The following CDH4 variants were observed in gnomAD, a reference collection of about 807,000 sequenced individuals.
CDH4 encodes cadherin 4.
Under a neutral mutation model 86.0 loss-of-function variants are expected in CDH4, and 33 were observed. That is an observed-to-expected ratio of 0.38 (90% CI 0.29 to 0.51). The LOEUF (loss-of-function observed/expected upper bound fraction) is 0.51, where lower values mean the gene tolerates loss of function less well. Ranked by LOEUF, CDH4 falls within the 20% of genes least tolerant of loss-of-function variation. The pLI is 0.86. For synonymous variants in CDH4, 555 were observed against 549.4 expected, an observed-to-expected ratio of 1.01 and a Z score of -0.14; for missense variants, 1,114 against 1,307.4, an observed-to-expected ratio of 0.85 and a Z score of 2.28.
intron 4 of CDH4, among the ~76,000 whole-genome samples, chr20:61,839,670 TG>T (rs1982059727): frequency 6.6e-6 from 1 of 152,100 alleles, no homozygotes; most frequent in South Asian, 2.1e-4. Flanking sequence ...TGTATGTGTA[TG>T]GTGTCTGTGT....
chr20:61,353,084 C>T (rs984652934), intron 2 of CDH4, among the ~76,000 whole-genome samples: 4 of 152,186 alleles, frequency 2.6e-5, no homozygotes, highest in Admixed American at 2.0e-4. Context: ...CAGGGGCTCT[C>T]GCCTGCCCGA....
chr20:61,261,827 A>C (rs1408936240), intron 2 of CDH4, among the ~76,000 whole-genome samples: 2 of 152,214 alleles, frequency 1.3e-5, no homozygotes, highest in Non-Finnish European at 2.9e-5. Flanking sequence ...GCAGTTGCTC[A>C]TGTATAAGGC....
At chr20:61,887,757 T>A (rs1053715035) in intron 7 of CDH4, among the ~76,000 whole-genome samples, 2 of 152,204 alleles carry the variant, frequency 1.3e-5, no homozygotes, top group Admixed American at 1.3e-4. Flanking sequence ...TCCGCTTGGA[T>A]CCCTCCCTTT....
intron 2 of CDH4, among the ~76,000 whole-genome samples, chr20:61,492,695 C>G (rs572209322): frequency 6.6e-6 from 1 of 152,256 alleles, no homozygotes; most frequent in East Asian, 1.9e-4. Flanking sequence ...ATGGAGCTCA[C>G]AGTCTGGGGT....
In CDH4 at chr20:61,754,777, CCA is replaced by C. The variant is rs398061558; in HGVS notation, c.396+10998_396+10999del. Among the ~76,000 whole-genome samples the C allele has an allele frequency of 1.2e-3, 173 of 144,688 alleles. No homozygotes were observed. The highest frequency in any genetic ancestry group is 4.2e-3 in the African/African-American group (163 of 38,366). 94.9% of individuals were successfully genotyped at this position (144,688 alleles called of 152,430 possible). A position where few individuals can be genotyped will look rare whatever the true frequency, so the allele number is the denominator to read the frequency against. On this transcript the variant is annotated intron_variant, in intron 3 of 15. Transcript: ENST00000614565. The surrounding 1 kb of genome is among the most constrained non-coding windows in gnomAD (Gnocchi z 4.7). The stretch of plus-strand genomic sequence containing the variant: ...ACACACACAGTGCATGCCACACACA[CCA>C]CACACACACTGCACGCCACACACAC...
At chr20:61,735,435 C>A (rs1451872387) in intron 2 of CDH4, among the ~76,000 whole-genome samples, 1 of 152,196 alleles carries the variant, frequency 6.6e-6, no homozygotes, top group Non-Finnish European at 1.5e-5. Flanking sequence ...TTCTTATACC[C>A]CCCTGGTGGG....
In CDH4 at chr20:61,269,161, G is replaced by A. The variant is rs1476448828; in HGVS notation, c.169+14224G>A. ...CCGGGTGCTGCACCGTACCAGCTGG[G>A]TTCATCTGCATGACCACCCTAGGCA... is the stretch of plus-strand genomic sequence containing the variant. On this transcript the variant is annotated intron_variant, in intron 2 of 15. Coordinates refer to ENST00000614565, the MANE Select transcript of CDH4 (RefSeq NM_001794.5). The surrounding 1 kb of genome is among the most constrained non-coding windows in gnomAD (Gnocchi z 5.3). 2.6e-5 allele frequency among the ~76,000 whole-genome samples: 4 copies of A among 152,156 alleles called. No homozygotes were observed. The highest frequency in any genetic ancestry group is 2.0e-4 in the Admixed American group (3 of 15,286).
At chr20:61,395,327 T>C (rs931538305) in intron 2 of CDH4, among the ~76,000 whole-genome samples, 1 of 152,176 alleles carries the variant, frequency 6.6e-6, no homozygotes, top group Non-Finnish European at 1.5e-5. Flanking sequence ...ATTGACATGT[T>C]AAAGTTGCAA....
intron 13 of CDH4, among the ~76,000 whole-genome samples, chr20:61,931,998 A>C (rs1268923758): frequency 1.3e-5 from 2 of 151,484 alleles, no homozygotes; most frequent in Non-Finnish European, 2.9e-5. Context: ...GACTGACCCC[A>C]CCCCAGGGGC....
In CDH4 at chr20:61,929,852, GC is replaced by G. The variant is rs2055087132; in HGVS notation, c.2239+11del. 6.2e-7 allele frequency: 1 copy of G among 1,608,480 alleles called. No homozygotes were observed. Among genetic ancestry groups the G allele is most frequent in the Non-Finnish European group, 8.5e-7 (1 of 1,175,330 alleles). ...ATCCTCATCCTGCTGAGTGAGTGTGGCTGAGCACCAGGGTGGGCAGGGGCAT... is the reference window on the plus strand; with the variant it reads ...ATCCTCATCCTGCTGAGTGAGTGTGGTGAGCACCAGGGTGGGCAGGGGCAT... On this transcript the variant is annotated intron_variant, in intron 13 of 15. Transcript: ENST00000614565.
rs34691051 is a variant in CDH4 at position 61,810,133 on chromosome 20, T to TG, written c.577-34529dup. Among the ~76,000 whole-genome samples, 1 of 151,372 alleles carries TG rather than the reference T, an allele frequency of 6.6e-6. No homozygotes were observed. The highest frequency in any genetic ancestry group is 1.5e-5 in the Non-Finnish European group (1 of 67,822). On this transcript the variant is annotated intron_variant, in intron 4 of 15. Coordinates refer to ENST00000614565, the MANE Select transcript of CDH4 (RefSeq NM_001794.5). This position sits in a 1 kb window ranked among gnomAD's most constrained non-coding sequence, Gnocchi z 4.3. ...TGGACGGGCCTCAGCCGGGGTGGGG[T>TG]GGGGGGCACCTGAGCCTAGACCTGT...
chr20:61,479,741 G>C (rs544219950), intron 2 of CDH4, among the ~76,000 whole-genome samples: 1 of 152,280 alleles, frequency 6.6e-6, no homozygotes, highest in South Asian at 2.1e-4. Flanking sequence ...TGGATCTGTA[G>C]TTCTCATGAG....
intron 2 of CDH4, among the ~76,000 whole-genome samples, chr20:61,318,076 G>A (rs541353543): frequency 6.6e-6 from 1 of 152,204 alleles, no homozygotes; most frequent in Non-Finnish European, 1.5e-5. Flanking sequence ...GTCCCGGCTG[G>A]AGGGACACTT....
chr20:61,751,183 C>T (rs1297995967), intron 3 of CDH4, among the ~76,000 whole-genome samples: 3 of 152,154 alleles, frequency 2.0e-5, no homozygotes, highest in Non-Finnish European at 4.4e-5. Context: ...TGGGAGGACA[C>T]ATCCTTCCAG....
chr20:61,368,867 G>A (rs906042108), intron 2 of CDH4, among the ~76,000 whole-genome samples: 1 of 152,122 alleles, frequency 6.6e-6, no homozygotes, highest in East Asian at 1.9e-4. Flanking sequence ...ACCCCTTAAC[G>A]AAGTAATCAA....
At chr20:61,626,998 A>C (rs1236088244) in intron 2 of CDH4, among the ~76,000 whole-genome samples, 1 of 152,158 alleles carries the variant, frequency 6.6e-6, no homozygotes, top group Non-Finnish European at 1.5e-5. Context: ...CACGGTGGCA[A>C]GAGGAGCCTC....
chr20:61,327,889 G>A (rs568518111), intron 2 of CDH4, among the ~76,000 whole-genome samples: 352 of 152,296 alleles, frequency 2.3e-3, no homozygotes, highest in Middle Eastern at 6.8e-3. Flanking sequence ...GACGGCTTGC[G>A]TAAAGGATCA....
At chr20:61,918,797 C>G (rs2054934425) in intron 9 of CDH4, among the ~76,000 whole-genome samples, 1 of 152,192 alleles carries the variant, frequency 6.6e-6, no homozygotes, top group Non-Finnish European at 1.5e-5. Context: ...CCTGCAGACC[C>G]TCCTGGAGGC....
At chr20:61,830,388 G>A (rs548329011) in intron 4 of CDH4, among the ~76,000 whole-genome samples, 15 of 152,168 alleles carry the variant, frequency 9.9e-5, no homozygotes, top group Middle Eastern at 3.4e-3. Context: ...GGCTTCTACC[G>A]CCTGCCACAC....
Sources: gnomAD v4.1 joint callset for allele counts (sites outside exome capture counted in the v4.1 genomes callset) on GRCh38, gnomAD v4.1.1 for gene constraint, Gnocchi (gnomAD v3.1) non-coding constraint, MANE v1.5 for transcripts, NCBI Gene and HGNC (gene_info 2026-07-23, HGNC 2026-07-21) for gene names.